Variants in ZNF469 observed in about 807,000 individuals in gnomAD.
ZNF469 encodes the protein zinc finger protein 469.
ZNF469 carries 1 observed loss-of-function variant against 1.0 expected under a neutral mutation model. The observed-to-expected ratio is 1.00, with a 90% CI of 0.35 to 4.73. ZNF469 has a LOEUF of 4.73. ZNF469 is among the 30% of genes most tolerant of loss of function. The pLI is 0.16. For synonymous variants in ZNF469, 2,703 were observed against 2,363.4 expected, an observed-to-expected ratio of 1.14 and a Z score of -4.17; for missense variants, 6,100 against 5,356.3, an observed-to-expected ratio of 1.14 and a Z score of -4.33.
the ZNF469 span, among the ~76,000 whole-genome samples, chr16:88,258,769 A>G: frequency 5.3e-5 from 8 of 152,218 alleles, no homozygotes; most frequent in Non-Finnish European, 1.2e-4. Context: ...CCCCAGCCTC[A>G]TGGAACTTGC....
chr16:88,438,960 T>G lies in ZNF469; in HGVS notation c.11490T>G (p.Ser3830Arg), dbSNP rs1310618147. The G allele has an allele frequency of 6.5e-7, 1 of 1,550,284 alleles. No homozygotes were observed. Among genetic ancestry groups the G allele is most frequent in the African/African-American group, 1.4e-5 (1 of 73,130 alleles). ...GQVPGPARSE[S>R]VGSFGRAPSA... ...TCCCAGGGCCAGCCAGGAGTGAAAG[T>G]GTGGGGAGCTTCGGGAGAGCCCCCT... Residue 3830 changes from serine (S) to arginine (R), a missense_variant, in exon 3 of 3, where the codon AGT (serine) becomes AGG (arginine). By Grantham distance (110) the Ser-to-Arg change is moderately radical (BLOSUM62 -1). Coordinates refer to ENST00000565624, the MANE Select transcript of ZNF469 (RefSeq NM_001367624.2).
rs529250336 is a variant in ZNF469 at position 88,435,287 on chromosome 16, A to C, written c.7817A>C (p.Gln2606Pro). The C allele has an allele frequency of 8.6e-5, 133 of 1,550,348 alleles. No homozygotes were observed. In the Admixed American group the frequency reaches 2.5e-3, roughly 29 times the overall value. The change falls in exon 3 of 3, where the codon CAG (glutamine) becomes CCG (proline). Residue 2606 changes from glutamine to proline, a missense_variant. Physicochemically the swap from Gln to Pro is moderately conservative, Grantham distance 76. Transcript: ENST00000565624. ...AGGGAAGATGAGCTGCATCCCAAAC[A>C]GGCAGAAAAAAGAGAAGGCCGGAGG... ...QAREDELHPKQAEKREGRRWR... is the reference protein window; with the variant it reads ...QAREDELHPKPAEKREGRRWR...
the ZNF469 span, among the ~76,000 whole-genome samples, chr16:88,331,593 C>A: frequency 6.6e-6 from 1 of 151,444 alleles, no homozygotes; most frequent in African/African-American, 2.4e-5. Context: ...ACCACCATCA[C>A]CACTATCATC....
At chr16:88,300,893 C>T in the ZNF469 span, among the ~76,000 whole-genome samples, 3 of 152,030 alleles carry the variant, frequency 2.0e-5, no homozygotes, top group African/African-American at 7.2e-5. Flanking sequence ...GGTGAAACCG[C>T]GTCTCTACTG....
At chr16:88,163,562 G>A in the ZNF469 span, among the ~76,000 whole-genome samples, 6 of 149,602 alleles carry the variant, frequency 4.0e-5, no homozygotes, top group Non-Finnish European at 7.4e-5. Context: ...AGATGAGTGG[G>A]TGAGTGGATG....
the ZNF469 span, among the ~76,000 whole-genome samples, chr16:88,222,427 T>A: frequency 6.6e-6 from 1 of 152,342 alleles, no homozygotes; most frequent in Non-Finnish European, 1.5e-5. Context: ...TAGCTGGGAC[T>A]ACAAGTGCAT....
the ZNF469 span, among the ~76,000 whole-genome samples, chr16:88,349,975 C>A: frequency 1.0e-5 from 1 of 96,376 alleles, no homozygotes; most frequent in African/African-American, 3.9e-5. Flanking sequence ...CGATACATAC[C>A]ACACAATACA....
chr16:88,256,527 T>A, the ZNF469 span, among the ~76,000 whole-genome samples: 1 of 152,224 alleles, frequency 6.6e-6, no homozygotes, highest in East Asian at 1.9e-4. Context: ...GTGTGTAGGT[T>A]TTTATGTGAA....
chr16:88,203,490 G>A, the ZNF469 span, among the ~76,000 whole-genome samples: 3 of 152,136 alleles, frequency 2.0e-5, no homozygotes, highest in Non-Finnish European at 2.9e-5. Flanking sequence ...CACAAATGAC[G>A]GTGGGGGCGG....
the ZNF469 span, among the ~76,000 whole-genome samples, chr16:88,341,726 T>C: frequency 1.3e-5 from 2 of 151,990 alleles, no homozygotes; most frequent in African/African-American, 4.8e-5. Flanking sequence ...TGGTGCAGCG[T>C]CCACAGACTG....
the ZNF469 span, among the ~76,000 whole-genome samples, chr16:88,267,219 C>T: frequency 2.0e-5 from 3 of 152,334 alleles, no homozygotes; most frequent in African/African-American, 7.2e-5. Flanking sequence ...TACCTTGCTG[C>T]CGAGGGCTTG....
chr16:88,366,493 AC>A, the ZNF469 span, among the ~76,000 whole-genome samples: 1 of 148,786 alleles, frequency 6.7e-6, no homozygotes. Context: ...CATCATCACC[AC>A]CACCATCACC....
In ZNF469 at chr16:88,407,305, C is replaced by A. The variant is rs528861231; in HGVS notation, c.-191-17502C>A. Among the ~76,000 whole-genome samples the A allele has an allele frequency of 3.0e-3, 341 of 113,832 alleles. 3 individuals are homozygous for A. The highest frequency in any genetic ancestry group is 4.8e-3 in the Non-Finnish European group (249 of 51,624). The allele number at this position is 113,832 out of a possible 152,430, so 74.7% of individuals were successfully genotyped here. ...CGTCCGGAACCGTCGCCAGCACCTGCGTGCAGCTCTGAGCTGGGAGCCGGC... is the reference window on the plus strand; with the variant it reads ...CGTCCGGAACCGTCGCCAGCACCTGAGTGCAGCTCTGAGCTGGGAGCCGGC... On this transcript the variant is annotated intron_variant, in intron 1 of 2. Coordinates refer to ENST00000565624, the MANE Select transcript of ZNF469 (RefSeq NM_001367624.2).
chr16:88,239,715 ATTTT>A, the ZNF469 span, among the ~76,000 whole-genome samples: 181 of 6,606 alleles, frequency 0.027, 2 homozygotes, highest in Admixed American at 0.038. Flanking sequence ...ATATATATAT[ATTTT>A]TTTTTTTTTT....
chr16:88,208,255 A>T, the ZNF469 span, among the ~76,000 whole-genome samples: 1 of 151,728 alleles, frequency 6.6e-6, no homozygotes, highest in South Asian at 2.1e-4. Flanking sequence ...GCAGGAAGAG[A>T]TATCTCAAGC....
chr16:88,302,497 A>G, the ZNF469 span: 1 of 152,282 alleles, frequency 6.6e-6, no homozygotes, highest in Middle Eastern at 3.4e-3. Context: ...CTTCTCCATG[A>G]AAAGGAGAAC....
chr16:88,185,170 G>A, the ZNF469 span, among the ~76,000 whole-genome samples: 164 of 131,864 alleles, frequency 1.2e-3, no homozygotes, highest in African/African-American at 4.1e-3. Flanking sequence ...GGCACACCCA[G>A]ACATGGATAC....
chr16:88,216,039 TAAG>T, the ZNF469 span, among the ~76,000 whole-genome samples: 1 of 152,204 alleles, frequency 6.6e-6, no homozygotes, highest in African/African-American at 2.4e-5. Context: ...CCTTTTGCCC[TAAG>T]AACTCTCTTC....
chr16:88,380,148 CACAA>C (rs2092517140), upstream of ZNF469, among the ~76,000 whole-genome samples: 2 of 145,392 alleles, frequency 1.4e-5, no homozygotes, highest in African/African-American at 5.3e-5. Context: ...CACACTCACA[CACAA>C]ATGCACTCAC....
Sources: gnomAD v4.1 joint callset for allele counts (sites outside exome capture counted in the v4.1 genomes callset) on GRCh38, gnomAD v4.1.1 for gene constraint, MANE v1.5 for transcripts, NCBI Gene and HGNC (gene_info 2026-07-23, HGNC 2026-07-21) for gene names.